Variants in IL1RAPL1 observed in about 807,000 individuals in gnomAD.
IL1RAPL1 encodes interleukin 1 receptor accessory protein like 1, also known as interleukin-1 receptor accessory protein-like 1.
IL1RAPL1 carries 3 observed loss-of-function variants against 48.4 expected under a neutral mutation model. That is an observed-to-expected ratio of 0.06 (90% CI 0.03 to 0.16). The LOEUF (loss-of-function observed/expected upper bound fraction) is 0.16. Ranked by LOEUF, IL1RAPL1 falls within the 10% of genes least tolerant of loss-of-function variation. The pLI is 1.00. For missense variants in IL1RAPL1, 349 were observed against 530.6 expected, an observed-to-expected ratio of 0.66 and a Z score of 3.36; for synonymous variants, 185 against 187.7, an observed-to-expected ratio of 0.99 and a Z score of 0.12.
intron 3 of IL1RAPL1, among the ~76,000 whole-genome samples, chrX:29,372,160 A>G (rs1933554615): frequency 8.9e-6 from 1 of 111,907 alleles, no homozygotes; most frequent in South Asian, 3.7e-4. Context: ...TTTGATTTGC[A>G]TTTCTCTGAT....
chrX:28,869,589 A>C (rs767955101), intron 2 of IL1RAPL1, among the ~76,000 whole-genome samples: 1 of 111,944 alleles, frequency 8.9e-6, no homozygotes. Context: ...AATTTAGGTT[A>C]TATTTTATTT....
chrX:29,239,171 C>G (rs1931361830), intron 2 of IL1RAPL1, among the ~76,000 whole-genome samples: 1 of 111,444 alleles, frequency 9.0e-6, no homozygotes, highest in Non-Finnish European at 1.9e-5. Context: ...AAACATTTTT[C>G]TCCATGGTCT....
At chrX:28,594,962 C>G (rs1933939720) in intron 1 of IL1RAPL1, among the ~76,000 whole-genome samples, 1 of 111,411 alleles carries the variant, frequency 9.0e-6, no homozygotes, top group Non-Finnish European at 1.9e-5. Flanking sequence ...TTTGGAGCCT[C>G]TCCACTTTCT....
rs571696609 is a variant in IL1RAPL1 at position 29,295,164 on chromosome X, G to T, written c.362+11947G>T. Among the ~76,000 whole-genome samples, 10 of 111,858 alleles carry T rather than the reference G, an allele frequency of 8.9e-5. No homozygotes were observed. The South Asian group carries it at 3.7e-3, about 42-fold the overall frequency. On this transcript the variant is annotated intron_variant, in intron 3 of 10. Coordinates refer to ENST00000378993, the MANE Select transcript of IL1RAPL1 (RefSeq NM_014271.4). ...ATCCATGAGAGATGATACTTGATTG[G>T]ATATATTCTGAGCTTCATTGGATGT...
intron 2 of IL1RAPL1, among the ~76,000 whole-genome samples, chrX:28,911,577 T>C (rs1260213571): frequency 9.0e-6 from 1 of 111,118 alleles, no homozygotes; most frequent in Admixed American, 9.6e-5. Flanking sequence ...CAGTACCTAC[T>C]CTATACTTAT....
chrX:28,995,236 A>G (rs1925701055), intron 2 of IL1RAPL1, among the ~76,000 whole-genome samples: 1 of 111,957 alleles, frequency 8.9e-6, no homozygotes, highest in Non-Finnish European at 1.9e-5. Flanking sequence ...AAATGTGAAT[A>G]TATTTTCAAT....
intron 6 of IL1RAPL1, among the ~76,000 whole-genome samples, chrX:29,751,497 A>T (rs1311510375): frequency 1.8e-5 from 2 of 111,896 alleles, no homozygotes; most frequent in Non-Finnish European, 3.8e-5. Context: ...ATCTGTTCTT[A>T]TCCATTTAAA....
At chrX:28,860,431 A>G (rs1029257976) in intron 2 of IL1RAPL1, among the ~76,000 whole-genome samples, 2 of 109,580 alleles carry the variant, frequency 1.8e-5, no homozygotes, top group Non-Finnish European at 3.8e-5. Flanking sequence ...GAGATAATAT[A>G]TAATAATTAT....
At chrX:29,143,512 G>A (rs775850225) in intron 2 of IL1RAPL1, among the ~76,000 whole-genome samples, 1 of 111,670 alleles carries the variant, frequency 9.0e-6, no homozygotes, top group Non-Finnish European at 1.9e-5. Context: ...GTAGTGTGAT[G>A]AAATCTCGTG....
chrX:28,697,767 A>G (rs1347816614), intron 1 of IL1RAPL1, among the ~76,000 whole-genome samples: 1 of 111,489 alleles, frequency 9.0e-6, no homozygotes, highest in African/African-American at 3.3e-5. Context: ...TGAAAGAAGC[A>G]TAGGGGTGGG....
chrX:29,690,509 G>A (rs1190439135), intron 6 of IL1RAPL1, among the ~76,000 whole-genome samples: 1 of 111,478 alleles, frequency 9.0e-6, no homozygotes, highest in Admixed American at 9.6e-5. Context: ...TCAGCTGATA[G>A]ATTGTCTTCA....
intron 5 of IL1RAPL1, among the ~76,000 whole-genome samples, chrX:29,575,924 C>G (rs993746048): frequency 1.8e-5 from 2 of 111,968 alleles, no homozygotes; most frequent in African/African-American, 6.5e-5. Context: ...ATGGAGAGGA[C>G]CTCTATCACC....
chrX:29,063,244 A>G (rs1214428126), intron 2 of IL1RAPL1, among the ~76,000 whole-genome samples: 1 of 111,704 alleles, frequency 9.0e-6, no homozygotes, highest in Non-Finnish European at 1.9e-5. Flanking sequence ...TTATTATAAA[A>G]AATTCTAAAT....
chrX:28,785,425 C>T (rs1882395619), intron 1 of IL1RAPL1, among the ~76,000 whole-genome samples: 1 of 111,946 alleles, frequency 8.9e-6, no homozygotes, highest in Non-Finnish European at 1.9e-5. Flanking sequence ...CAACGCTGGC[C>T]CAGATGTCTT....
At chrX:29,557,217 A>G (rs1247002338) in intron 5 of IL1RAPL1, among the ~76,000 whole-genome samples, 1 of 111,905 alleles carries the variant, frequency 8.9e-6, no homozygotes, top group Non-Finnish European at 1.9e-5. Context: ...AAAACCAAAC[A>G]AATTCCAGCC....
chrX:29,292,904 A>G (rs1460917710), intron 3 of IL1RAPL1, among the ~76,000 whole-genome samples: 1 of 111,587 alleles, frequency 9.0e-6, no homozygotes, highest in Non-Finnish European at 1.9e-5. Flanking sequence ...TTGGATGTAG[A>G]GTCTCTTATA....
intron 3 of IL1RAPL1, among the ~76,000 whole-genome samples, chrX:29,319,396 G>GCCT (rs1255623752): frequency 3.5e-5 from 1 of 28,270 alleles, no homozygotes; most frequent in African/African-American, 1.1e-4. Flanking sequence ...TAGAGACAGG[G>GCCT]TCTCACTGTG....
At chrX:29,507,066 G>A (rs1935339090) in intron 5 of IL1RAPL1, among the ~76,000 whole-genome samples, 1 of 109,303 alleles carries the variant, frequency 9.1e-6, no homozygotes, top group Admixed American at 9.7e-5. Flanking sequence ...CCTAAGAACT[G>A]TCTCATCCTC....
At chrX:29,690,615 T>C (rs1926747120) in intron 6 of IL1RAPL1, among the ~76,000 whole-genome samples, 1 of 112,170 alleles carries the variant, frequency 8.9e-6, no homozygotes, top group Non-Finnish European at 1.9e-5. Context: ...AAATTTACTA[T>C]ATTTACTGTT....
Sources: allele counts gnomAD v4.1 joint callset (sites outside exome capture counted in the v4.1 genomes callset), GRCh38; gene constraint gnomAD v4.1.1; transcripts MANE v1.5; gene names NCBI Gene and HGNC (gene_info 2026-07-23, HGNC 2026-07-21).